TBC1D5: variants seen among roughly 807,000 people sequenced by gnomAD.
TBC1D5 encodes the protein TBC1 domain family, member 5.
In TBC1D5, 75 loss-of-function variants were observed where a neutral mutation model predicts 100.3. That is an observed-to-expected ratio of 0.75 (90% CI 0.62 to 0.91). TBC1D5 has a LOEUF of 0.91. TBC1D5 is among the 40% of genes least tolerant of loss of function. TBC1D5 has a pLI of 0.00. For synonymous variants in TBC1D5, 323 were observed against 325.6 expected, an observed-to-expected ratio of 0.99 and a Z score of 0.09; for missense variants, 910 against 942.4, an observed-to-expected ratio of 0.97 and a Z score of 0.45.
At chr3:17,292,684 GT>G (rs1420620778) in intron 14 of TBC1D5, among the ~76,000 whole-genome samples, 1 of 151,984 alleles carries the variant, frequency 6.6e-6, no homozygotes, top group Non-Finnish European at 1.5e-5. Flanking sequence ...TTTCAGGCAG[GT>G]CTATGTAGAC....
chr3:17,615,505 G>A (rs147033574), intron 2 of TBC1D5, among the ~76,000 whole-genome samples: 196 of 152,138 alleles, frequency 1.3e-3, no homozygotes, highest in African/African-American at 4.5e-3. Context: ...CTGTGAATCC[G>A]TCTGGTCCTG....
intron 3 of TBC1D5, among the ~76,000 whole-genome samples, chr3:17,447,790 T>C (rs2094834295): frequency 2.0e-5 from 3 of 152,220 alleles, no homozygotes; most frequent in African/African-American, 4.8e-5. Context: ...CAATTAATCA[T>C]CAAAGTAGAT....
intron 3 of TBC1D5, among the ~76,000 whole-genome samples, chr3:17,507,358 A>C (rs778325507): frequency 6.6e-5 from 10 of 152,188 alleles, no homozygotes; most frequent in Non-Finnish European, 1.3e-4. Context: ...AAATATAAAA[A>C]TTTAAAAATT....
At chr3:17,467,449 T>C (rs73153020) in intron 3 of TBC1D5, among the ~76,000 whole-genome samples, 13,827 of 152,088 alleles carry the variant, frequency 0.091, 1,419 homozygotes, top group African/African-American at 0.25. Context: ...GACCTTAAAA[T>C]ACCCTGTATG....
chr3:17,337,036 C>T (rs756219064), intron 13 of TBC1D5, among the ~76,000 whole-genome samples: 4 of 151,780 alleles, frequency 2.6e-5, no homozygotes, highest in Non-Finnish European at 5.9e-5. Context: ...TGTATATGTC[C>T]CCAGCATTAT....
At chr3:17,360,501 T>C (rs972933007) in intron 13 of TBC1D5, among the ~76,000 whole-genome samples, 4 of 151,986 alleles carry the variant, frequency 2.6e-5, no homozygotes, top group African/African-American at 9.7e-5. Flanking sequence ...ATAGCTGAGG[T>C]GAAGGTATGT....
At chr3:17,249,875 A>G (rs532804865) in intron 16 of TBC1D5, among the ~76,000 whole-genome samples, 2 of 152,342 alleles carry the variant, frequency 1.3e-5, no homozygotes, top group Admixed American at 1.3e-4. Flanking sequence ...GGTGCAGTTC[A>G]TGGTGCCCCA....
chr3:17,377,580 G>A (rs1168988060), intron 9 of TBC1D5, among the ~76,000 whole-genome samples: 1 of 151,978 alleles, frequency 6.6e-6, no homozygotes, highest in Non-Finnish European at 1.5e-5. Flanking sequence ...ACCACTTTTA[G>A]AGGAAATAAA....
intron 17 of TBC1D5, among the ~76,000 whole-genome samples, chr3:17,236,776 G>A (rs549066917): frequency 2.0e-5 from 3 of 152,132 alleles, no homozygotes; most frequent in South Asian, 2.1e-4. Flanking sequence ...CACCATGCCC[G>A]ATATATTCTT....
At chr3:17,678,143 A>T (rs2068897172) in intron 1 of TBC1D5, among the ~76,000 whole-genome samples, 1 of 152,166 alleles carries the variant, frequency 6.6e-6, no homozygotes, top group South Asian at 2.1e-4. Flanking sequence ...AGTATAATTT[A>T]AAAAAAAGAA....
At chr3:17,166,884 C>T in exon 21 of TBC1D5, 1 of 1,614,050 alleles carries the variant, frequency 6.2e-7, no homozygotes. Flanking sequence ...CGGCCTCTAG[C>T]TGGCTCTGGT....
rs74345393 is a variant in TBC1D5, at chr3:17,543,389, G to A, written c.-35-34784C>T. On this transcript the variant is annotated intron_variant, in intron 2 of 21. Coordinates refer to ENST00000253692, the Ensembl canonical transcript of TBC1D5. The stretch of plus-strand genomic sequence containing the variant: ...GGCTCACACCTGTAATCCCAGCACC[G>A]TGGGAGGCCAAGGTGGGAGGATTGC... Among the ~76,000 whole-genome samples the A allele has an allele frequency of 2.1e-3, 324 of 152,182 alleles. 4 individuals are homozygous for A. In the East Asian group the frequency reaches 0.045, roughly 21 times the overall value.
At chr3:17,586,121 T>C (rs150074635) in intron 2 of TBC1D5, among the ~76,000 whole-genome samples, 2 of 152,024 alleles carry the variant, frequency 1.3e-5, no homozygotes, top group African/African-American at 4.8e-5. Context: ...GGGGAAAGAA[T>C]GGAAACTGGT....
chr3:17,270,430 G>A (rs1488917672), intron 15 of TBC1D5, among the ~76,000 whole-genome samples: 1 of 152,118 alleles, frequency 6.6e-6, no homozygotes, highest in African/African-American at 2.4e-5. Context: ...CCTCTCACAG[G>A]AGTTAGCACA....
intron 17 of TBC1D5, among the ~76,000 whole-genome samples, chr3:17,225,988 G>A (rs2074848284): frequency 6.6e-6 from 1 of 152,038 alleles, no homozygotes; most frequent in African/African-American, 2.4e-5. Flanking sequence ...TTGAGCATAT[G>A]TGGATTTTGG....
In TBC1D5 at chr3:17,178,595, C is replaced by T. The variant is rs566387006; in HGVS notation, c.1852+6514G>A. 2.0e-5 allele frequency among the ~76,000 whole-genome samples: 3 copies of T among 152,248 alleles called. No homozygotes were observed. The South Asian group carries it at 6.2e-4, about 32-fold the overall frequency. On this transcript the variant is annotated intron_variant, in intron 19 of 21. Transcript: ENST00000253692. ...AGTTTTTAGGAACCTCCAAACTGTT[C>T]TCTATAGTAGCTGTACCAATTTATG... is the stretch of plus-strand genomic sequence containing the variant.
intron 2 of TBC1D5, among the ~76,000 whole-genome samples, chr3:17,579,477 G>T (rs1464767127): frequency 6.6e-6 from 1 of 152,090 alleles, no homozygotes; most frequent in African/African-American, 2.4e-5. Context: ...GCAAGGAAAA[G>T]GAGGTGAAAC....
intron 13 of TBC1D5, among the ~76,000 whole-genome samples, chr3:17,347,465 T>C (rs1391968609): frequency 6.6e-6 from 1 of 152,174 alleles, no homozygotes; most frequent in Non-Finnish European, 1.5e-5. Flanking sequence ...GAACTAACTA[T>C]AGCAATTTTT....
At chr3:17,314,480 C>G (rs1232919739) in intron 13 of TBC1D5, among the ~76,000 whole-genome samples, 1 of 152,120 alleles carries the variant, frequency 6.6e-6, no homozygotes, top group East Asian at 1.9e-4. Context: ...GGAACCTTCC[C>G]CTTTCATTTC....
Sources: allele counts gnomAD v4.1 joint callset (sites outside exome capture counted in the v4.1 genomes callset), GRCh38; gene constraint gnomAD v4.1.1; transcripts MANE v1.5; gene names NCBI Gene and HGNC (gene_info 2026-07-23, HGNC 2026-07-21).